PCDH15: variants seen among roughly 807,000 people sequenced by gnomAD.
PCDH15 encodes the protein protocadherin related 15.
In PCDH15, 129 loss-of-function variants were observed where a neutral mutation model predicts 178.5. That is an observed-to-expected ratio of 0.72 (90% CI 0.63 to 0.84). The LOEUF (loss-of-function observed/expected upper bound fraction) is 0.84, where lower values mean the gene tolerates loss of function less well. PCDH15 is among the 40% of genes least tolerant of loss of function. The pLI, the probability that PCDH15 is intolerant of heterozygous loss-of-function variation, is 0.00. For missense variants in PCDH15, 2,230 were observed against 2,099.9 expected (o/e 1.06, Z -1.21); for synonymous variants, 800 against 732.0 (o/e 1.09, Z -1.50).
At chr10:55,548,462 T>C (rs567294397) in intron 2 of PCDH15, among the ~76,000 whole-genome samples, 7 of 152,190 alleles carry the variant, frequency 4.6e-5, no homozygotes, top group Middle Eastern at 3.4e-3. Context: ...TAAACTTAAG[T>C]ATGACTGAGT....
intron 13 of PCDH15, among the ~76,000 whole-genome samples, chr10:54,167,591 G>C (rs2046360068): frequency 1.3e-5 from 2 of 151,822 alleles, no homozygotes; most frequent in Non-Finnish European, 2.9e-5. Flanking sequence ...CTGGGGAAGG[G>C]GCAAGTACCT....
intron 1 of PCDH15, among the ~76,000 whole-genome samples, chr10:54,744,394 T>C (rs1350250121): frequency 1.3e-5 from 2 of 152,106 alleles, no homozygotes; most frequent in East Asian, 3.9e-4. Flanking sequence ...AGATTTTGAA[T>C]AATCTGTTAA....
intron 1 of PCDH15, among the ~76,000 whole-genome samples, chr10:54,687,964 A>T (rs2095044812): frequency 1.3e-5 from 2 of 152,124 alleles, no homozygotes; most frequent in African/African-American, 4.8e-5. Flanking sequence ...CTGCCAAACA[A>T]CATTATGTCT....
At chr10:54,283,742 A>G (rs1051572818) in intron 8 of PCDH15, among the ~76,000 whole-genome samples, 4 of 152,180 alleles carry the variant, frequency 2.6e-5, no homozygotes, top group Non-Finnish European at 4.4e-5. Flanking sequence ...AAAATAGACC[A>G]AGCAATGAGC....
At chr10:54,651,801 G>A (rs979393496) in intron 2 of PCDH15, among the ~76,000 whole-genome samples, 1 of 152,172 alleles carries the variant, frequency 6.6e-6, no homozygotes, top group African/African-American at 2.4e-5. Flanking sequence ...ACTGCCCAGA[G>A]ATAGTTATAC....
intron 2 of PCDH15, among the ~76,000 whole-genome samples, chr10:54,900,332 A>AT (rs1343750857): frequency 2.6e-5 from 4 of 152,202 alleles, no homozygotes; most frequent in Non-Finnish European, 1.5e-5. Context: ...TGTAAAAAAA[A>AT]GAAGGTTGTG....
At chr10:55,169,067 T>C (rs531612504) in intron 1 of PCDH15, among the ~76,000 whole-genome samples, 1 of 152,314 alleles carries the variant, frequency 6.6e-6, no homozygotes, top group African/African-American at 2.4e-5. Flanking sequence ...TCTAGATTGA[T>C]ATTTCAACAG....
chr10:53,981,617 T>G (rs945636148), intron 21 of PCDH15, among the ~76,000 whole-genome samples: 1 of 150,992 alleles, frequency 6.6e-6, no homozygotes, highest in African/African-American at 2.4e-5. Context: ...GCTAGCCATA[T>G]GTAGAAAGCT....
chr10:54,263,907 A>G (rs7077603), intron 8 of PCDH15, among the ~76,000 whole-genome samples: 106,977 of 151,348 alleles, frequency 0.71, 38,697 homozygotes, highest in Middle Eastern at 0.76. Flanking sequence ...ATCAGCTGCC[A>G]GCACAGCTAG....
intron 2 of PCDH15, among the ~76,000 whole-genome samples, chr10:55,069,373 C>T (rs1471304411): frequency 6.7e-6 from 1 of 148,190 alleles, no homozygotes; most frequent in East Asian, 2.0e-4. Context: ...GTGTGCTGCA[C>T]CCATTAACTC....
chr10:54,567,610 C>G (rs1036434239), intron 2 of PCDH15, among the ~76,000 whole-genome samples: 1 of 152,016 alleles, frequency 6.6e-6, no homozygotes, highest in Non-Finnish European at 1.5e-5. Flanking sequence ...AATAGCATAA[C>G]CTTTTGAATC....
At chr10:54,909,178 G>A (rs558023465) in intron 2 of PCDH15, among the ~76,000 whole-genome samples, 1 of 152,278 alleles carries the variant, frequency 6.6e-6, no homozygotes, top group Admixed American at 6.5e-5. Context: ...AAGGCACCAC[G>A]AGTTCTCACT....
At chr10:53,919,339 C>A (rs1211896115) in intron 25 of PCDH15, among the ~76,000 whole-genome samples, 1 of 152,120 alleles carries the variant, frequency 6.6e-6, no homozygotes, top group Non-Finnish European at 1.5e-5. Flanking sequence ...TTAGGATGTT[C>A]CCAAATGACA....
chr10:54,090,909 T>A (rs1186170568), intron 15 of PCDH15, among the ~76,000 whole-genome samples: 1 of 152,178 alleles, frequency 6.6e-6, no homozygotes, highest in Non-Finnish European at 1.5e-5. Flanking sequence ...AGAGGTTTAA[T>A]TGAAATAATA....
intron 2 of PCDH15, among the ~76,000 whole-genome samples, chr10:54,656,924 T>C (rs2094416316): frequency 6.6e-6 from 1 of 152,200 alleles, no homozygotes; most frequent in Non-Finnish European, 1.5e-5. Flanking sequence ...CCAGCCCTTG[T>C]GAAATTGGTG....
intron 18 of PCDH15, among the ~76,000 whole-genome samples, 182 bp from the exon 19 acceptor site, chr10:54,023,379 ATTC>A (rs960213771): frequency 2.6e-5 from 4 of 151,892 alleles, no homozygotes; most frequent in East Asian, 3.9e-4. Flanking sequence ...ATACTTTAAT[ATTC>A]TTCATTTAAA....
Position 55,334,258 on chromosome 10 carries a change from G to A in PCDH15, c.-155-167607C>T, listed in dbSNP as rs1408613231. Among the ~76,000 whole-genome samples the A allele has an allele frequency of 2.2e-3, 264 of 119,388 alleles. 4 individuals carry two copies. Among genetic ancestry groups the A allele is most frequent in the Admixed American group, 0.012 (154 of 12,336 alleles). The allele number at this position is 119,388 out of a possible 152,430, so 78.3% of individuals were successfully genotyped here. On this transcript the variant is annotated intron_variant, in intron 2 of 5. Transcript: ENST00000613346. Reference sequence around the variant, plus strand: ...TATATATATATGTGTGTGTGTGTGTGTGTGTGTGTGTGTGTGTGTGTGTGT... The same window carrying A: ...TATATATATATGTGTGTGTGTGTGTATGTGTGTGTGTGTGTGTGTGTGTGT...
At chr10:54,767,107 T>C (rs1203954818) in intron 1 of PCDH15, among the ~76,000 whole-genome samples, 1 of 152,186 alleles carries the variant, frequency 6.6e-6, no homozygotes, top group Non-Finnish European at 1.5e-5. Flanking sequence ...CTTCATGTTC[T>C]CTAATCTGCA....
rs537602758 is a variant in PCDH15 at position 53,812,535 on chromosome 10, GA to G, written c.4492-917del. Among the ~76,000 whole-genome samples the G allele has an allele frequency of 5.9e-5, 9 of 151,802 alleles. No homozygotes were observed. The East Asian group carries it at 1.7e-3, about 29-fold the overall frequency. ...GCCTCTAAATTTAAGGTTTTTAAAG[GA>G]AAAAAAGAATTTGTTAGAATAGAGG... On this transcript the variant is annotated intron_variant, in intron 35 of 37. Transcript: ENST00000644397.
Sources: allele counts gnomAD v4.1 joint callset (sites outside exome capture counted in the v4.1 genomes callset), GRCh38; gene constraint gnomAD v4.1.1; transcripts MANE v1.5; gene names NCBI Gene and HGNC (gene_info 2026-07-23, HGNC 2026-07-21).